PARP1: variants seen among roughly 807,000 people sequenced by gnomAD.
PARP1 encodes poly(ADP-ribose) polymerase 1.
A neutral mutation model predicts 118.7 loss-of-function variants in PARP1; 44 were observed. The ratio of observed to expected loss-of-function variants is 0.37; its 90% confidence interval spans 0.29 to 0.48. PARP1 has a LOEUF of 0.48. Ranked by LOEUF, PARP1 falls within the 20% of genes least tolerant of loss-of-function variation. The pLI, the probability that PARP1 is intolerant of heterozygous loss-of-function variation, is 0.99. For missense variants in PARP1, 1,100 were observed against 1,272.4 expected (o/e 0.86, Z 2.06); for synonymous variants, 492 against 483.2 (o/e 1.02, Z -0.24).
chr1:226,407,198 C>A (rs1249963810), intron 1 of PARP1, among the ~76,000 whole-genome samples: 3 of 152,018 alleles, frequency 2.0e-5, no homozygotes, highest in Admixed American at 6.6e-5. Context: ...ACCAAGAGAA[C>A]GCGTCTGTGA....
chr1:226,386,492 A>C (rs1204489225), intron 5 of PARP1, 50 bp from the exon 6 acceptor site: 7 of 1,188,302 alleles, frequency 5.9e-6, no homozygotes, highest in Non-Finnish European at 8.8e-6. Context: ...CAAAGGAAGA[A>C]TCCAACTGGA....
chr1:226,379,721 G>A, intron 10 of PARP1, 80 bp from the exon 11 acceptor site: 2 of 1,326,854 alleles, frequency 1.5e-6, no homozygotes, highest in South Asian at 1.2e-5. Context: ...CAAATGAGTT[G>A]TTCTCATTCC....
intron 15 of PARP1, 121 bp from the exon 16 acceptor site, chr1:226,368,442 A>G (rs1664316665): frequency 1.1e-5 from 14 of 1,235,286 alleles, no homozygotes; most frequent in Non-Finnish European, 1.5e-5. Flanking sequence ...GTATGTGCAC[A>G]TGCCAGGACA....
rs1665185117 is a variant in PARP1 at position 226,407,900 on chromosome 1, T to C, written c.30A>G (p.Arg10=). The stretch of plus-strand genomic sequence containing the variant: ...CGCGCCCGCTCTTGGCGTACTCGAC[T>C]CGATAGAGCTTATCCGAAGACTCCG... MAESSDKLY[R]VEYAKSGRAS... is the part of the protein sequence containing the mutation. The change falls in exon 1 of 23, where the codon CGA becomes CGG. Residue 10 remains arginine (R), a synonymous_variant. Transcript: ENST00000366794. 2 of 1,612,218 alleles carry C rather than the reference T, an allele frequency of 1.2e-6. No homozygotes were observed. The highest frequency in any genetic ancestry group is 1.7e-6 in the Non-Finnish European group (2 of 1,179,122).
chr1:226,383,129 T>C lies in PARP1; in HGVS notation c.1066A>G (p.Ile356Val), dbSNP rs1265412667. Residue 356 changes from isoleucine (I) to valine (V), a missense_variant, in exon 8 of 23, where the codon ATA (isoleucine) becomes GTA (valine). Transcript: ENST00000366794. Reference protein sequence around the residue: ...KKLKVKKQDRIFPPETSASVA... With the variant: ...KKLKVKKQDRVFPPETSASVA... Reference sequence around the variant, plus strand: ...GAGGCGCTGGTTTCTGGGGGGAATATACGGTCCTGTTTTTTAACCTTCAAT... The same window carrying C: ...GAGGCGCTGGTTTCTGGGGGGAATACACGGTCCTGTTTTTTAACCTTCAAT... 8 of 1,612,990 alleles carry C rather than the reference T, an allele frequency of 5.0e-6. No individual in the cohort carries two copies. The highest frequency in any genetic ancestry group is 5.9e-6 in the Non-Finnish European group (7 of 1,179,520).
chr1:226,392,130 T>C (rs1407278003), intron 3 of PARP1, 69 bp downstream of exon 3: 3 of 1,059,052 alleles, frequency 2.8e-6, no homozygotes, highest in Admixed American at 3.4e-5. Context: ...TTCTTTTCTC[T>C]TGAGATAGCC....
intron 4 of PARP1, 116 bp downstream of exon 4, chr1:226,390,294 G>T: frequency 1.1e-6 from 1 of 909,304 alleles, no homozygotes; most frequent in Non-Finnish European, 1.8e-6. Context: ...CATCTCCCTG[G>T]CTTACTGACA....
At position 226,381,129 on chromosome 1, in the gene PARP1, C is replaced by G. The variant is rs772391589; in HGVS notation, c.1239G>C (p.Glu413Asp). The change falls in exon 9 of 23, where the codon GAG (glutamate) becomes GAC (aspartate). Residue 413 changes from glutamate (E) to aspartate (D), a missense_variant. By Grantham distance (45) the Glu-to-Asp change is conservative (BLOSUM62 2). Coordinates refer to ENST00000366794, the MANE Select transcript of PARP1 (RefSeq NM_001618.4). ...TCCCCGTCAACTTCCCCCCGAGTTTCTCAATCATGGCCTTCACTTCATCCT... is the reference window on the plus strand; with the variant it reads ...TCCCCGTCAACTTCCCCCCGAGTTTGTCAATCATGGCCTTCACTTCATCCT... Reference protein sequence around the residue: ...RNKDEVKAMIEKLGGKLTGTA... With the variant: ...RNKDEVKAMIDKLGGKLTGTA... 6.2e-7 allele frequency: 1 copy of G among 1,614,186 alleles called. No homozygotes were observed. The highest frequency in any genetic ancestry group is 8.5e-7 in the Non-Finnish European group (1 of 1,180,026).
chr1:226,364,262 C>T, intron 19 of PARP1, 192 bp from the exon 20 acceptor site: 1 of 596,390 alleles, frequency 1.7e-6, no homozygotes, highest in Non-Finnish European at 3.1e-6. Flanking sequence ...CTAGCTCTGC[C>T]AGGTGCCAAG....
intron 12 of PARP1, among the ~76,000 whole-genome samples, 162 bp downstream of exon 12, chr1:226,378,980 C>T (rs1422243760): frequency 6.6e-6 from 1 of 152,216 alleles, no homozygotes; most frequent in Non-Finnish European, 1.5e-5. Flanking sequence ...CTTCTTTCTC[C>T]CCTTTAAGCA....
At chr1:226,361,734 C>T in intron 22 of PARP1, 193 bp from the exon 23 acceptor site, 2 of 671,182 alleles carry the variant, frequency 3.0e-6, no homozygotes, top group Non-Finnish European at 5.4e-6. Flanking sequence ...TACTCTAAGT[C>T]TTCTTCAGGC....
chr1:226,406,534 G>A (rs534604531), intron 1 of PARP1, among the ~76,000 whole-genome samples: 1 of 152,130 alleles, frequency 6.6e-6, no homozygotes, highest in Admixed American at 6.5e-5. Flanking sequence ...GGTCATCTCG[G>A]ACTCCTAGGC....
At position 226,380,044 on chromosome 1, in the gene PARP1, A is replaced by G; in HGVS notation, c.1421T>C (p.Leu474Ser). 2 of 1,614,160 alleles carry G rather than the reference A, an allele frequency of 1.2e-6. No homozygotes were observed. The highest frequency in any genetic ancestry group is 1.7e-6 in the Non-Finnish European group (2 of 1,180,024). The stretch of plus-strand genomic sequence containing the variant: ...CCCCCAAGGGGACAAGATGTGCGCT[A>G]AGAACAACTCCTGAAGGCTCTTGGT... ...ASTKSLQELF[L>S]AHILSPWGAE... Residue 474 changes from leucine (L) to serine (S), a missense_variant, in exon 10 of 23, where the codon TTA (leucine) becomes TCA (serine). Physicochemically the swap from Leu to Ser is moderately radical, Grantham distance 145. This residue lies in a region of PARP1 where 948 missense variants were observed against 1,031.8 expected (regional missense o/e 0.92). Coordinates refer to ENST00000366794, the MANE Select transcript of PARP1 (RefSeq NM_001618.4).
chr1:226,402,887 G>GAAC (rs1183789925), intron 1 of PARP1, among the ~76,000 whole-genome samples: 1 of 152,242 alleles, frequency 6.6e-6, no homozygotes, highest in Non-Finnish European at 1.5e-5. Flanking sequence ...GAATAACAAG[G>GAAC]AACAAGTCCC....
intron 18 of PARP1, 100 bp downstream of exon 18, chr1:226,365,854 G>T: frequency 1.3e-6 from 1 of 761,964 alleles, no homozygotes; most frequent in Non-Finnish European, 2.4e-6. Flanking sequence ...GTTATTTAAA[G>T]TAAATAAACT....
intron 1 of PARP1, among the ~76,000 whole-genome samples, chr1:226,406,001 C>CA (rs1665139080): frequency 6.6e-6 from 1 of 151,966 alleles, no homozygotes; most frequent in African/African-American, 2.4e-5. Flanking sequence ...AGATAATTAT[C>CA]AAAACATTTG....
intron 8 of PARP1, among the ~76,000 whole-genome samples, chr1:226,382,441 C>A (rs75082950): frequency 2.6e-5 from 4 of 152,298 alleles, no homozygotes; most frequent in African/African-American, 9.6e-5. Flanking sequence ...GACCCTGCGC[C>A]CAACTCCAGG....
intron 1 of PARP1, among the ~76,000 whole-genome samples, chr1:226,404,199 G>C (rs1665093050): frequency 6.6e-6 from 1 of 152,160 alleles, no homozygotes; most frequent in Admixed American, 6.5e-5. Context: ...CGCAGTGTTT[G>C]CTTAGGGCTC....
At chr1:226,371,283 T>C (rs926781196) in intron 14 of PARP1, among the ~76,000 whole-genome samples, 15 of 152,224 alleles carry the variant, frequency 9.9e-5, no homozygotes, top group Admixed American at 8.5e-4. Context: ...AGACATCGTC[T>C]CTGGGGCTTT....
Sources: allele counts gnomAD v4.1 joint callset (sites outside exome capture counted in the v4.1 genomes callset), GRCh38; gene constraint gnomAD v4.1.1; regional missense constraint gnomAD v4.1.1; transcripts MANE v1.5; gene names NCBI Gene and HGNC (gene_info 2026-07-23, HGNC 2026-07-21).